The following ANK1 variants were observed in gnomAD, a reference collection of about 807,000 sequenced individuals.
The protein encoded by ANK1 is ankyrin-1.
In ANK1, 51 loss-of-function variants were observed where a neutral mutation model predicts 210.4. That is an observed-to-expected ratio of 0.24 (90% CI 0.19 to 0.31). The LOEUF (loss-of-function observed/expected upper bound fraction) is 0.31, where lower values mean the gene tolerates loss of function less well. Among genes scored for constraint, ANK1 ranks in the 10% least tolerant of loss-of-function variants. The probability of loss-of-function intolerance (pLI) is 1.00; values close to 1 mark genes in which losing one functional copy is unlikely to be tolerated. For missense variants in ANK1, 2,051 were observed against 2,504.4 expected, an observed-to-expected ratio of 0.82 and a Z score of 3.86; for synonymous variants, 967 against 1,025.9, an observed-to-expected ratio of 0.94 and a Z score of 1.10.
chr8:41,722,400 C>T (rs556464647), intron 9 of ANK1, among the ~76,000 whole-genome samples: 3 of 152,326 alleles, frequency 2.0e-5, no homozygotes, highest in South Asian at 4.1e-4. Context: ...CAGAACTGCT[C>T]GTGGGAAACC....
rs140960766 is a variant in ANK1, at chr8:41,846,991, T to G, written c.126+49364A>C. ...AGAGTACCATTACCATCGCCTCTCA[T>G]GGGGTTTTCACACACAGCCCTTGAG... On this transcript the variant is annotated intron_variant, in intron 1 of 42. Transcript: ENST00000265709. 3.0e-3 allele frequency among the ~76,000 whole-genome samples: 454 copies of G among 152,316 alleles called. 1 individual carries two copies. Among genetic ancestry groups the G allele is most frequent in the Middle Eastern group, 6.8e-3 (2 of 294 alleles).
intron 1 of ANK1, among the ~76,000 whole-genome samples, chr8:41,780,620 T>C (rs7459992): frequency 0.96 from 146,603 of 152,284 alleles, 70,802 homozygotes; most frequent in East Asian, 1. Context: ...TCTGAGGCCT[T>C]GGCAGCGCTG....
chr8:41,674,799 G>A (rs1373325618), intron 37 of ANK1, among the ~76,000 whole-genome samples: 10 of 152,172 alleles, frequency 6.6e-5, no homozygotes, highest in African/African-American at 1.4e-4. Context: ...GCTGCACAGC[G>A]GCAGAGACTG....
chr8:41,681,675 G>C (rs974498593), intron 37 of ANK1, among the ~76,000 whole-genome samples: 1 of 149,292 alleles, frequency 6.7e-6, no homozygotes, highest in Non-Finnish European at 1.5e-5. Flanking sequence ...TTGGGCACCA[G>C]GTCAGGCCAT....
chr8:41,777,365 A>G (rs1001784688), intron 1 of ANK1, among the ~76,000 whole-genome samples: 3 of 152,180 alleles, frequency 2.0e-5, no homozygotes, highest in Non-Finnish European at 4.4e-5. Flanking sequence ...ACCTGAGGTC[A>G]GGAGTTCGAG....
intron 1 of ANK1, among the ~76,000 whole-genome samples, chr8:41,827,816 C>G (rs1805711911): frequency 6.6e-6 from 1 of 151,630 alleles, no homozygotes; most frequent in African/African-American, 2.4e-5. Context: ...CACACACCCA[C>G]ATACACACAC....
At chr8:41,787,257 T>TA (rs1348967352) in intron 1 of ANK1, among the ~76,000 whole-genome samples, 3 of 152,288 alleles carry the variant, frequency 2.0e-5, no homozygotes, top group African/African-American at 7.2e-5. Flanking sequence ...GGTGATTATA[T>TA]AAAAAATGTG....
chr8:41,715,694 C>G lies in ANK1; in HGVS notation c.1560G>C (p.Leu520=). The G allele has an allele frequency of 1.2e-6, 2 of 1,613,998 alleles. No individual in the cohort carries two copies. The highest frequency in any genetic ancestry group is 1.7e-6 in the Non-Finnish European group (2 of 1,180,020). The part of the protein sequence containing the change: ...AAREGHVETV[L]ALLEKEASQA... ...GGGATGCTTCCTTTTCCAGAAGGGCCAGGACTGTTTCCACATGGCCCTCAC... is the reference window on the plus strand; with the variant it reads ...GGGATGCTTCCTTTTCCAGAAGGGCGAGGACTGTTTCCACATGGCCCTCAC... Residue 520 remains leucine, a synonymous_variant, in exon 14 of 43, where the codon CTG becomes CTC. Transcript: ENST00000289734.
At chr8:41,769,977 CTTTTTTTTT>C (rs59542968) in intron 1 of ANK1, among the ~76,000 whole-genome samples, 4 of 86,654 alleles carry the variant, frequency 4.6e-5, no homozygotes, top group Admixed American at 1.6e-4. Flanking sequence ...TTTCTTTTTT[CTTTTTTTTT>C]TTTTTTTTTT....
At chr8:41,661,676 G>C in intron 41 of ANK1, 112 bp from the exon 42 acceptor site, 1 of 1,599,356 alleles carries the variant, frequency 6.3e-7, no homozygotes, top group Non-Finnish European at 8.5e-7. Context: ...GCCCACCAGG[G>C]AGAAGAGAGA....
Position 41,858,659 on chromosome 8 carries a change from G to T in ANK1, c.126+37696C>A, listed in dbSNP as rs570310600. ...ACCAGGTAGATTAGGCCCGGATTCC[G>T]CTCCTTCTATGGGATCCCCTGTAAA... is the stretch of plus-strand genomic sequence containing the variant. On this transcript the variant is annotated intron_variant, in intron 1 of 42. Coordinates refer to the ANK1 transcript ENST00000265709. Among the ~76,000 whole-genome samples, 74 of 152,338 alleles carry T rather than the reference G, an allele frequency of 4.9e-4. 1 individual carries two copies. Among genetic ancestry groups the T allele is most frequent in the African/African-American group, 1.8e-3 (73 of 41,576 alleles).
intron 2 of ANK1, among the ~76,000 whole-genome samples, chr8:41,737,073 C>T (rs909971309): frequency 3.9e-5 from 6 of 152,124 alleles, no homozygotes; most frequent in African/African-American, 9.7e-5. Flanking sequence ...CTGAAGCAGC[C>T]GGATCACTTG....
upstream of ANK1, among the ~76,000 whole-genome samples, chr8:41,800,118 G>A (rs576572469): frequency 3.3e-5 from 5 of 152,206 alleles, no homozygotes; most frequent in South Asian, 1.0e-3. Flanking sequence ...GGCTTTTAAA[G>A]TTTTGCTCCC....
chr8:41,806,502 G>A (rs960453694), intron 1 of ANK1, among the ~76,000 whole-genome samples: 2 of 152,214 alleles, frequency 1.3e-5, no homozygotes, highest in Non-Finnish European at 2.9e-5. Flanking sequence ...ATCACTTGAG[G>A]TCAGGAGTTC....
At chr8:41,683,108 A>G (rs988506833) in intron 37 of ANK1, among the ~76,000 whole-genome samples, 3 of 151,818 alleles carry the variant, frequency 2.0e-5, no homozygotes, top group Admixed American at 6.5e-5. Context: ...GCACACATGC[A>G]CACACATACG....
chr8:41,696,638 G>GGA, intron 25 of ANK1, 38 bp downstream of exon 25: 1 of 1,609,498 alleles, frequency 6.2e-7, no homozygotes, highest in Non-Finnish European at 8.5e-7. Flanking sequence ...TCTCGGAGAT[G>GGA]GAGACAGGAG....
intron 1 of ANK1, among the ~76,000 whole-genome samples, chr8:41,872,884 G>A (rs761357578): frequency 7.9e-4 from 120 of 152,196 alleles, no homozygotes; most frequent in Non-Finnish European, 1.2e-3. Context: ...GCTTCCCACT[G>A]GGGAGTCTGT....
chr8:41,702,180 G>T (rs1823024995), intron 20 of ANK1, 36 bp from the exon 21 acceptor site: 1 of 1,572,164 alleles, frequency 6.4e-7, no homozygotes. Flanking sequence ...GTCAGACAGG[G>T]GATGGAGTCT....
intron 1 of ANK1, among the ~76,000 whole-genome samples, chr8:41,859,110 C>T (rs761492577): frequency 2.0e-5 from 3 of 152,212 alleles, no homozygotes; most frequent in Non-Finnish European, 4.4e-5. Flanking sequence ...GGGGATTTCC[C>T]GCCCAAAGAG....
Sources: allele counts gnomAD v4.1 joint callset (sites outside exome capture counted in the v4.1 genomes callset), GRCh38; gene constraint gnomAD v4.1.1; transcripts MANE v1.5; gene names NCBI Gene and HGNC (gene_info 2026-07-23, HGNC 2026-07-21).